The following DDX59 variants were observed in gnomAD, a reference collection of about 807,000 sequenced individuals.
DDX59 encodes the protein DEAD-box helicase 59, also known as probable ATP-dependent RNA helicase DDX59.
In DDX59, 30 loss-of-function variants were observed where a neutral mutation model predicts 51.9. That is an observed-to-expected ratio of 0.58 (90% CI 0.43 to 0.78). DDX59 has a LOEUF of 0.78. Ranked by LOEUF, DDX59 falls within the 30% of genes least tolerant of loss-of-function variation. The pLI, the probability that DDX59 is intolerant of heterozygous loss-of-function variation, is 0.00. For synonymous variants in DDX59, 255 were observed against 253.3 expected (o/e 1.01, Z -0.06); for missense variants, 672 against 730.8 (o/e 0.92, Z 0.93).
At chr1:200,642,660 C>T (rs1661082501), downstream of DDX59, among the ~76,000 whole-genome samples, 1 of 152,152 alleles carries the variant, frequency 6.6e-6, no homozygotes, top group African/African-American at 2.4e-5. Context: ...GAACCAGTAA[C>T]AGGAGTCTGA....
intron 7 of DDX59, among the ~76,000 whole-genome samples, chr1:200,645,010 A>G (rs983733546): frequency 1.3e-5 from 2 of 152,164 alleles, no homozygotes; most frequent in East Asian, 1.9e-4. Flanking sequence ...GGCCTCCACC[A>G]GCATATTTTT....
In DDX59 at chr1:200,644,288, A is replaced by T. The variant is rs147039616; in HGVS notation, c.1826T>A (p.Ile609Asn). The change falls in exon 8 of 8, where the codon ATC becomes AAC. Residue 609 changes from isoleucine (I) to asparagine (N), a missense_variant. Physicochemically the swap from Ile to Asn is moderately radical, Grantham distance 149 (BLOSUM62 -3). Transcript: ENST00000331314. Reference protein sequence around the residue: ...LVTGANLMDIIRKHDKSNSQK With the variant: ...LVTGANLMDINRKHDKSNSQK ...AGAATTACTTTTATCATGTTTTCTG[A>T]TAATATCCATAAGATTAGCTCCTGT... The T allele has an allele frequency of 2.7e-5, 43 of 1,574,924 alleles. 1 individual carries two copies. The highest frequency in any genetic ancestry group is 3.6e-5 in the Non-Finnish European group (42 of 1,164,124).
chr1:200,643,515 C>T (rs928048692), downstream of DDX59, among the ~76,000 whole-genome samples: 1 of 151,738 alleles, frequency 6.6e-6, no homozygotes, highest in Non-Finnish European at 1.5e-5. Context: ...TGGTGGCAGG[C>T]GCCTGTAGTT....
chr1:200,646,058 G>A (rs1178055965), intron 7 of DDX59, among the ~76,000 whole-genome samples: 1 of 152,184 alleles, frequency 6.6e-6, no homozygotes, highest in African/African-American at 2.4e-5. Flanking sequence ...CTTCAGGCTG[G>A]ACATGGCGGC....
chr1:200,655,555 ACCT>A (rs1212469606), intron 4 of DDX59, among the ~76,000 whole-genome samples: 3 of 151,650 alleles, frequency 2.0e-5, no homozygotes, highest in Non-Finnish European at 2.9e-5. Flanking sequence ...ACCCAATTTT[ACCT>A]CCTATTATTT....
At chr1:200,654,656 G>A (rs1419335040) in intron 4 of DDX59, 1 of 152,388 alleles carries the variant, frequency 6.6e-6, no homozygotes, top group African/African-American at 2.4e-5. Context: ...ATCTGACAGG[G>A]GGAGTGAGGG....
chr1:200,661,699 T>C (rs145960248), intron 3 of DDX59, among the ~76,000 whole-genome samples: 30 of 152,340 alleles, frequency 2.0e-4, no homozygotes, highest in African/African-American at 7.2e-4. Context: ...ACTGGATTCT[T>C]GTGCTATAAA....
chr1:200,648,383 T>C (rs919025512), intron 7 of DDX59, 56 bp downstream of exon 7: 7 of 1,603,174 alleles, frequency 4.4e-6, no homozygotes, highest in African/African-American at 1.3e-5. Flanking sequence ...ACATTGACAA[T>C]GCCTTTCCCA....
intron 7 of DDX59, among the ~76,000 whole-genome samples, chr1:200,647,243 C>T (rs890168436): frequency 6.6e-6 from 1 of 152,030 alleles, no homozygotes; most frequent in African/African-American, 2.4e-5. Flanking sequence ...GATAATGCAG[C>T]GCTAAGAGAA....
intron 4 of DDX59, among the ~76,000 whole-genome samples, chr1:200,656,331 C>T (rs1417475342): frequency 2.0e-5 from 3 of 152,200 alleles, no homozygotes; most frequent in Admixed American, 2.0e-4. Flanking sequence ...TGTTTGCCAA[C>T]CCCTGGCCTA....
intron 7 of DDX59, 132 bp from the exon 8 acceptor site, chr1:200,644,649 A>T: frequency 9.0e-7 from 1 of 1,114,376 alleles, no homozygotes; most frequent in Non-Finnish European, 1.2e-6. Context: ...TAACCCCAGC[A>T]CTTTGGGAGC....
chr1:200,669,491 C>G (rs1456088627), intron 1 of DDX59: 1 of 152,390 alleles, frequency 6.6e-6, no homozygotes, highest in East Asian at 1.9e-4. Context: ...TTCTCGCCAA[C>G]GCGCCCCGCA....
downstream of DDX59, among the ~76,000 whole-genome samples, chr1:200,643,258 T>C (rs1487774227): frequency 2.0e-5 from 3 of 149,578 alleles, no homozygotes; most frequent in Non-Finnish European, 4.5e-5. Context: ...TGCACTCCAG[T>C]ATAGGGTGAC....
At chr1:200,645,851 A>C (rs1239256648) in intron 7 of DDX59, among the ~76,000 whole-genome samples, 1 of 152,206 alleles carries the variant, frequency 6.6e-6, no homozygotes, top group Non-Finnish European at 1.5e-5. Context: ...CCTCTAGGGA[A>C]TGAGACAGAG....
chr1:200,665,480 T>TC (rs1461117660), intron 2 of DDX59, among the ~76,000 whole-genome samples: 2 of 138,458 alleles, frequency 1.4e-5, no homozygotes, highest in East Asian at 2.4e-4. Context: ...TGAAACTCGG[T>TC]CCCAAAAAAA....
Position 200,664,040 on chromosome 1 carries a change from GCTAA to G in DDX59, c.847_850del (p.Leu283ProfsTer4), listed in dbSNP as rs1662553284. The G allele has an allele frequency of 6.2e-7, 1 of 1,614,152 alleles. No homozygotes were observed. Among genetic ancestry groups the G allele is most frequent in the South Asian group, 1.1e-5 (1 of 91,068 alleles). Reference sequence around the variant, plus strand: ...TTTAGCTTGTCTCTCTATCTGAATGGCTAACTCTCTGGTTGGTGTAAGAATGAGC... The same window carrying G: ...TTTAGCTTGTCTCTCTATCTGAATGGCTCTCTGGTTGGTGTAAGAATGAGC... On this transcript the variant is annotated frameshift_variant, in exon 3 of 8. Transcript: ENST00000331314. LOFTEE classifies it high-confidence loss of function.
At chr1:200,649,457 T>C (rs1661508665) in intron 5 of DDX59, among the ~76,000 whole-genome samples, 1 of 151,646 alleles carries the variant, frequency 6.6e-6, no homozygotes. Flanking sequence ...TGAAACCCCG[T>C]CTCTACTAAA....
At chr1:200,654,230 G>A (rs1030625328) in intron 4 of DDX59, among the ~76,000 whole-genome samples, 4 of 152,042 alleles carry the variant, frequency 2.6e-5, no homozygotes, top group Non-Finnish European at 4.4e-5. Flanking sequence ...TGGCTAACAC[G>A]GTGAAATCTC....
downstream of DDX59, chr1:200,641,229 A>C: frequency 7.7e-7 from 1 of 1,304,680 alleles, no homozygotes; most frequent in Non-Finnish European, 1.0e-6. Context: ...TTAATTCCAG[A>C]GAAGGGCACA....
Sources: gnomAD v4.1 joint callset for allele counts (sites outside exome capture counted in the v4.1 genomes callset) on GRCh38, gnomAD v4.1.1 for gene constraint, MANE v1.5 for transcripts, NCBI Gene and HGNC (gene_info 2026-07-23, HGNC 2026-07-21) for gene names.